ABCA13: variants seen among roughly 807,000 people sequenced by gnomAD.
ABCA13 encodes the protein ATP binding cassette subfamily A member 13.
Under a neutral mutation model 478.7 loss-of-function variants are expected in ABCA13, and 476 were observed. The observed-to-expected ratio is 0.99, with a 90% CI of 0.92 to 1.07. The LOEUF is 1.07. Ranked by LOEUF, ABCA13 falls within the 50% of genes least tolerant of loss-of-function variation. The pLI, the probability that ABCA13 is intolerant of heterozygous loss-of-function variation, is 0.00. For missense variants in ABCA13, 6,060 were observed against 5,910.6 expected, an observed-to-expected ratio of 1.03 and a Z score of -0.83; for synonymous variants, 2,252 against 2,158.9, an observed-to-expected ratio of 1.04 and a Z score of -1.20.
Position 48,274,758 on chromosome 7 carries a change from A to T in ABCA13, c.5092A>T (p.Ser1698Cys), listed in dbSNP as rs775116300. The T allele has an allele frequency of 5.4e-5, 87 of 1,613,864 alleles. No individual in the cohort carries two copies. In the East Asian group the frequency reaches 9.8e-4, roughly 18 times the overall value. The change falls in exon 17 of 62, where the codon AGT becomes TGT. Residue 1698 changes from serine (S) to cysteine (C), a missense_variant. By Grantham distance (112) the Ser-to-Cys change is moderately radical. Transcript: ENST00000435803. ...NLMDFFKNIS[S>C]VGTGNLVVNL... ...AATGGATTTCTTTAAGAATATCAGT[A>T]GTGTGGGAACTGGCAATTTAGTGGT...
intron 55 of ABCA13, among the ~76,000 whole-genome samples, chr7:48,535,017 G>A (rs1833474453): frequency 6.6e-6 from 1 of 152,142 alleles, no homozygotes; most frequent in Non-Finnish European, 1.5e-5. Context: ...ACAATTCAGA[G>A]ATTTTGTTTT....
chr7:48,513,232 C>G lies in ABCA13; in HGVS notation c.13640+2033C>G, dbSNP rs537308519. ...GGAAAGCTGAATCCCGAGCTGAAAC[C>G]TAAGAGCACGTCCAGGCATTAAATG... On this transcript the variant is annotated intron_variant, in intron 51 of 61. Transcript: ENST00000435803. Among the ~76,000 whole-genome samples, 6 of 152,304 alleles carry G rather than the reference C, an allele frequency of 3.9e-5. No homozygotes were observed. The East Asian group carries it at 9.6e-4, about 24-fold the overall frequency.
At chr7:48,328,230 G>T (rs900034750) in intron 27 of ABCA13, among the ~76,000 whole-genome samples, 1 of 152,164 alleles carries the variant, frequency 6.6e-6, no homozygotes, top group African/African-American at 2.4e-5. Flanking sequence ...GAGCAATGGG[G>T]AAGGGCACTG....
At chr7:48,181,661 C>T (rs1795715148) in intron 1 of ABCA13, among the ~76,000 whole-genome samples, 1 of 151,820 alleles carries the variant, frequency 6.6e-6, no homozygotes, top group Non-Finnish European at 1.5e-5. Flanking sequence ...TTTTGAAATG[C>T]AGTAGGGCCT....
At chr7:48,520,601 G>T (rs1027875035) in intron 53 of ABCA13, among the ~76,000 whole-genome samples, 3 of 151,956 alleles carry the variant, frequency 2.0e-5, no homozygotes, top group Non-Finnish European at 4.4e-5. Context: ...TGTGCACAAT[G>T]TGCAGGTTTG....
intron 51 of ABCA13, among the ~76,000 whole-genome samples, chr7:48,513,302 C>G (rs1165441724): frequency 6.6e-6 from 1 of 152,114 alleles, no homozygotes; most frequent in South Asian, 2.1e-4. Context: ...ATAGTATACA[C>G]GAATTGATTC....
chr7:48,610,800 A>G (rs1791955588), intron 58 of ABCA13, among the ~76,000 whole-genome samples: 1 of 152,174 alleles, frequency 6.6e-6, no homozygotes, highest in African/African-American at 2.4e-5. Context: ...TTTATCTGGG[A>G]CAATTTAACC....
intron 43 of ABCA13, among the ~76,000 whole-genome samples, chr7:48,461,221 C>CT (rs1461022401): frequency 3.3e-5 from 5 of 152,278 alleles, no homozygotes; most frequent in African/African-American, 9.6e-5. Flanking sequence ...TCTTGGAAGC[C>CT]TTTTTTCTGG....
rs1332168969 is a variant in ABCA13 at position 48,244,622 on chromosome 7, C to G, written c.1309C>G (p.Gln437Glu). The G allele has an allele frequency of 6.2e-7, 1 of 1,613,526 alleles. No homozygotes were observed. The highest frequency in any genetic ancestry group is 8.5e-7 in the Non-Finnish European group (1 of 1,179,680). The change falls in exon 11 of 62, where the codon CAG becomes GAG. Residue 437 changes from glutamine to glutamate, a missense_variant. By Grantham distance (29) the Gln-to-Glu change is conservative. Around this residue, in one of 3 missense-constraint regions of ABCA13, gnomAD observed 4,423 missense variants for 4,309.1 expected, o/e 1.03. Transcript: ENST00000435803. ...GCAAAGCTTGCTGCAAAACCTGCCC[C>G]AGTGGCCGGCACTGAAGAGATTTCT... Reference protein sequence around the residue: ...KLQSLLQNLPQWPALKRFLQL... With the variant: ...KLQSLLQNLPEWPALKRFLQL...
At chr7:48,289,931 G>C (rs1798275352) in intron 20 of ABCA13, among the ~76,000 whole-genome samples, 1 of 152,180 alleles carries the variant, frequency 6.6e-6, no homozygotes, top group Non-Finnish European at 1.5e-5. Context: ...GAGACTTTTA[G>C]AAATACAAAT....
rs114018541 is a variant in ABCA13, at chr7:48,398,415, A to C, written c.11874-5268A>C. ...AACCAGAATAAGATCATGTTTTAGG[A>C]TGGTAGTCTTCAATTAGAGAAAGGG... On this transcript the variant is annotated intron_variant, in intron 38 of 61. Transcript: ENST00000435803. Among the ~76,000 whole-genome samples the C allele has an allele frequency of 4.8e-3, 732 of 152,294 alleles. 9 individuals are homozygous for C. The highest frequency in any genetic ancestry group is 0.016 in the African/African-American group (682 of 41,562).
At chr7:48,644,405 G>A (rs983057966) in intron 60 of ABCA13, among the ~76,000 whole-genome samples, 1 of 152,064 alleles carries the variant, frequency 6.6e-6, no homozygotes, top group African/African-American at 2.4e-5. Flanking sequence ...CATATCAGGG[G>A]GCAGAACAGC....
At chr7:48,475,446 C>T (rs1827975391) in intron 45 of ABCA13, among the ~76,000 whole-genome samples, 1 of 149,446 alleles carries the variant, frequency 6.7e-6, no homozygotes, top group Non-Finnish European at 1.5e-5. Context: ...TCTGCAAGAG[C>T]ATGTCAATTT....
intron 3 of ABCA13, among the ~76,000 whole-genome samples, chr7:48,200,937 C>T (rs1244914242): frequency 2.6e-5 from 4 of 152,158 alleles, no homozygotes; most frequent in Non-Finnish European, 4.4e-5. Flanking sequence ...GGAAACCAGC[C>T]CCACACCACC....
At chr7:48,438,156 G>T (rs1463987710) in intron 42 of ABCA13, among the ~76,000 whole-genome samples, 4 of 152,198 alleles carry the variant, frequency 2.6e-5, no homozygotes, top group African/African-American at 9.6e-5. Context: ...AACCAGGCAA[G>T]AATTTTGAAA....
intron 54 of ABCA13, 28 bp downstream of exon 54, chr7:48,524,468 T>G: frequency 1.3e-6 from 2 of 1,583,920 alleles, no homozygotes; most frequent in Non-Finnish European, 1.7e-6. Context: ...TTTAATCTTC[T>G]TCTGTTGTGA....
At chr7:48,182,867 T>C (rs555492417) in intron 1 of ABCA13, among the ~76,000 whole-genome samples, 1 of 152,316 alleles carries the variant, frequency 6.6e-6, no homozygotes, top group African/African-American at 2.4e-5. Context: ...ATCTCTTAGC[T>C]TGGACTTGTG....
At chr7:48,427,558 A>G (rs151095570) in intron 41 of ABCA13, among the ~76,000 whole-genome samples, 313 of 152,300 alleles carry the variant, frequency 2.1e-3, no homozygotes, top group African/African-American at 6.6e-3. Context: ...GTCAAGTTTC[A>G]TTCATCTTTG....
chr7:48,490,130 A>G (rs566358261), intron 48 of ABCA13, among the ~76,000 whole-genome samples: 9 of 152,162 alleles, frequency 5.9e-5, no homozygotes, highest in Non-Finnish European at 8.8e-5. Flanking sequence ...CCAGTTTTTT[A>G]ACAAAGTAAA....
Sources: allele counts gnomAD v4.1 joint callset (sites outside exome capture counted in the v4.1 genomes callset), GRCh38; gene constraint gnomAD v4.1.1; regional missense constraint gnomAD v4.1.1; transcripts MANE v1.5; gene names NCBI Gene and HGNC (gene_info 2026-07-23, HGNC 2026-07-21).